The following TIAM1 variants were observed in gnomAD, a reference collection of about 807,000 sequenced individuals.
TIAM1 encodes rho guanine nucleotide exchange factor TIAM1.
Under a neutral mutation model 163.5 loss-of-function variants are expected in TIAM1, and 65 were observed. The ratio of observed to expected loss-of-function variants is 0.40; its 90% CI spans 0.33 to 0.49. TIAM1 has a LOEUF of 0.49. Ranked by LOEUF, TIAM1 falls within the 20% of genes least tolerant of loss-of-function variation. TIAM1 has a pLI of 0.77. For synonymous variants in TIAM1, 833 were observed against 810.1 expected (o/e 1.03, Z -0.48); for missense variants, 1,789 against 2,044.7 (o/e 0.87, Z 2.41).
intron 1 of TIAM1, among the ~76,000 whole-genome samples, chr21:31,554,326 T>G (rs35353785): frequency 1.3e-5 from 2 of 152,186 alleles, no homozygotes; most frequent in African/African-American, 2.4e-5. Context: ...AATAAAATCA[T>G]ACTCTAGCGG....
rs1277121082 is a variant in TIAM1, at chr21:31,320,629, A to AC, written c.-189+18613dup. ...AGAAGCTTAGGTCAACCCCAGCTGC[A>AC]CACTGACCAGTGAGCAATGGTAGGT... On this transcript the variant is annotated intron_variant, in intron 2 of 27. Coordinates refer to ENST00000541036, the MANE Select transcript of TIAM1 (RefSeq NM_001353694.2). Among the ~76,000 whole-genome samples the AC allele has an allele frequency of 5.9e-5, 9 of 152,336 alleles. No individual in the cohort carries two copies. The East Asian group carries it at 1.7e-3, about 29-fold the overall frequency.
chr21:31,448,391 G>A (rs891895281), intron 2 of TIAM1, among the ~76,000 whole-genome samples: 3 of 152,056 alleles, frequency 2.0e-5, no homozygotes, highest in African/African-American at 4.8e-5. Flanking sequence ...GATCACCTGA[G>A]GCCAGGAGTT....
chr21:31,499,722 C>T (rs940143490), intron 1 of TIAM1, among the ~76,000 whole-genome samples: 1 of 151,850 alleles, frequency 6.6e-6, no homozygotes, highest in Non-Finnish European at 1.5e-5. Context: ...TGGTGGTGTG[C>T]CCCTGTAATC....
At chr21:31,223,285 C>T in intron 8 of TIAM1, 121 bp downstream of exon 8, 1 of 1,089,874 alleles carries the variant, frequency 9.2e-7, no homozygotes, top group Non-Finnish European at 1.3e-6. Context: ...AAAGGGAGGG[C>T]ATTTCAGAAA....
chr21:31,141,184 T>A lies in TIAM1; in HGVS notation c.3708A>T (p.Lys1236Asn). Residue 1236 changes from lysine to asparagine, a missense_variant, in exon 22 of 28, where the codon AAA becomes AAT. Around this residue, in one of 5 missense-constraint regions of TIAM1, gnomAD observed 60 missense variants for 132.6 expected, o/e 0.45. Coordinates refer to ENST00000541036, the MANE Select transcript of TIAM1 (RefSeq NM_001353694.2). This position sits in a 1 kb window ranked among gnomAD's most constrained non-coding sequence, Gnocchi z 4.7. ...ACACAGCCCCAAACTCTTCATGGAT[T>A]TTCTGCATCTCATTGATGTGACTGG... is the stretch of plus-strand genomic sequence containing the variant. ...KVASHINEMQ[K>N]IHEEFGAVFD... 2 of 1,614,150 alleles carry A rather than the reference T, an allele frequency of 1.2e-6. No homozygotes were observed. The highest frequency in any genetic ancestry group is 1.7e-6 in the Non-Finnish European group (2 of 1,180,004).
chr21:31,239,374 C>T (rs1016068832), intron 6 of TIAM1, among the ~76,000 whole-genome samples: 1 of 152,066 alleles, frequency 6.6e-6, no homozygotes, highest in African/African-American at 2.4e-5. Context: ...CAGTGATCTG[C>T]CTGCCTTGGC....
chr21:31,480,819 T>C lies in TIAM1; in HGVS notation c.-421-16784A>G, dbSNP rs2046086639. On this transcript the variant is annotated intron_variant, in intron 1 of 28. Coordinates refer to the TIAM1 transcript ENST00000286827. ...CCCAGGCTGGAGTGCACTGGCACAA[T>C]CTTGGCTTACTGCAACCTCCGTCTC... 1.3e-5 allele frequency among the ~76,000 whole-genome samples: 2 copies of C among 152,224 alleles called. 1 individual carries two copies. The highest frequency in any genetic ancestry group is 4.1e-4 in the South Asian group (2 of 4,826).
At chr21:31,495,880 G>A (rs539243657) in intron 1 of TIAM1, among the ~76,000 whole-genome samples, 14 of 152,262 alleles carry the variant, frequency 9.2e-5, no homozygotes, top group African/African-American at 3.4e-4. Context: ...GCTGAGGTAG[G>A]AGAATCACTT....
intron 2 of TIAM1, among the ~76,000 whole-genome samples, chr21:31,426,577 T>A (rs2043803087): frequency 6.6e-6 from 1 of 152,212 alleles, no homozygotes; most frequent in Non-Finnish European, 1.5e-5. Context: ...GTCAGTGGAA[T>A]GTGGTCTAAT....
intron 1 of TIAM1, among the ~76,000 whole-genome samples, chr21:31,492,545 T>C (rs976102668): frequency 2.6e-5 from 4 of 152,146 alleles, no homozygotes; most frequent in Non-Finnish European, 5.9e-5. Flanking sequence ...TATCTACCTA[T>C]GACCTGGAAG....
rs1210276843 is a variant in TIAM1 at position 31,425,583 on chromosome 21, G to A, written c.-369+38400C>T. On this transcript the variant is annotated intron_variant, in intron 2 of 28. Transcript: ENST00000286827. ...CCTACATGATGCTGGTCCAGGGACT[G>A]CTTTTTTTTTTTTTTTACATTTTTA... Among the ~76,000 whole-genome samples, 4 of 139,716 alleles carry A rather than the reference G, an allele frequency of 2.9e-5. No individual in the cohort carries two copies. The East Asian group carries it at 7.8e-4, about 27-fold the overall frequency. 91.7% of individuals were successfully genotyped at this position (139,716 alleles called of 152,430 possible).
chr21:31,326,351 G>T (rs568948533), intron 2 of TIAM1, among the ~76,000 whole-genome samples: 22 of 152,292 alleles, frequency 1.4e-4, no homozygotes, highest in African/African-American at 4.1e-4. Flanking sequence ...GAGGGAAGGG[G>T]AGTACTATGG....
At chr21:31,412,554 G>C (rs534208843) in intron 2 of TIAM1, among the ~76,000 whole-genome samples, 155 of 152,128 alleles carry the variant, frequency 1.0e-3, no homozygotes, top group African/African-American at 3.6e-3. Flanking sequence ...GGCTGAGGCA[G>C]GTGGATCACC....
intron 1 of TIAM1, among the ~76,000 whole-genome samples, chr21:31,528,402 C>G (rs528856573): frequency 6.6e-6 from 1 of 152,184 alleles, no homozygotes; most frequent in East Asian, 1.9e-4. Flanking sequence ...CTACTCAGTC[C>G]TAGCTACTCA....
At position 31,451,760 on chromosome 21, in the gene TIAM1, TGA is replaced by T. The variant is rs1491134348; in HGVS notation, c.-369+12221_-369+12222del. Among the ~76,000 whole-genome samples the T allele has an allele frequency of 5.9e-3, 819 of 138,176 alleles. 26 individuals are homozygous for T. The highest frequency in any genetic ancestry group is 0.047 in the Admixed American group (659 of 14,142). 90.6% of individuals were successfully genotyped at this position (138,176 alleles called of 152,430 possible). A position where few individuals can be genotyped will look rare whatever the true frequency, so the allele number is the denominator to read the frequency against. ...GTGTGTGTGTGTGTGTGTGTGTGTG[TGA>T]GACACAGAGAGAGAGAGAGAGAGAG... On this transcript the variant is annotated intron_variant, in intron 2 of 28. Transcript: ENST00000286827.
chr21:31,423,712 A>AC (rs2043671811), intron 2 of TIAM1, among the ~76,000 whole-genome samples: 1 of 139,392 alleles, frequency 7.2e-6, no homozygotes. Flanking sequence ...AAAAAAAAAA[A>AC]AAAAAAAAAA....
chr21:31,245,124 C>G, intron 6 of TIAM1, among the ~76,000 whole-genome samples: 1 of 151,830 alleles, frequency 6.6e-6, no homozygotes, highest in Non-Finnish European at 1.5e-5. Context: ...TTTGACAGCT[C>G]AAATCATGTC....
intron 2 of TIAM1, among the ~76,000 whole-genome samples, chr21:31,363,685 AT>A (rs1313648336): frequency 6.6e-6 from 1 of 151,980 alleles, no homozygotes; most frequent in African/African-American, 2.4e-5. Context: ...AATGTCTTAG[AT>A]TTTTCTCTCT....
chr21:31,269,911 T>A (rs2072981945), intron 3 of TIAM1, among the ~76,000 whole-genome samples: 1 of 152,172 alleles, frequency 6.6e-6, no homozygotes, highest in Non-Finnish European at 1.5e-5. Context: ...GACCTTGTGA[T>A]CTGCCCACCT....
Sources: allele counts gnomAD v4.1 joint callset (sites outside exome capture counted in the v4.1 genomes callset), GRCh38; gene constraint gnomAD v4.1.1; regional missense constraint gnomAD v4.1.1; non-coding constraint Gnocchi (gnomAD v3.1); transcripts MANE v1.5; gene names NCBI Gene and HGNC (gene_info 2026-07-23, HGNC 2026-07-21).